The following CABYR variants were observed in gnomAD, a reference collection of about 807,000 sequenced individuals.
The protein encoded by CABYR is calcium binding tyrosine phosphorylation regulated.
CABYR carries 31 observed loss-of-function variants against 36.1 expected under a neutral mutation model. That is an observed-to-expected ratio of 0.86 (90% CI 0.64 to 1.16). CABYR has a LOEUF of 1.16. Ranked by LOEUF, CABYR falls within the 50% of genes most tolerant of loss-of-function variation. The pLI is 0.00. For missense variants in CABYR, 429 were observed against 455.8 expected (o/e 0.94, Z 0.53); for synonymous variants, 146 against 160.7 (o/e 0.91, Z 0.69).
Position 24,159,515 on chromosome 18 carries a change from C to T in CABYR, c.585C>T (p.Asn195=), listed in dbSNP as rs755183432. The T allele has an allele frequency of 1.9e-6, 3 of 1,614,096 alleles. No individual in the cohort carries two copies. The highest frequency in any genetic ancestry group is 2.2e-5 in the South Asian group (2 of 91,076). ...GAGGACAACCACCACCATGTTCTAA[C>T]ATGTGGACCCTTTATTGTCTAACTG... ...SERGQPPPCS[N]MWTLYCLTDK... is the part of the protein sequence containing the mutation. Residue 195 remains asparagine, a synonymous_variant, in exon 5 of 6, where the codon AAC becomes AAT. Transcript: ENST00000399496.
intron 3 of CABYR, chr18:24,150,545 A>C: frequency 1.0e-6 from 1 of 977,574 alleles, no homozygotes; most frequent in Non-Finnish European, 1.2e-6. Context: ...TAGATGGTGC[A>C]ACTAATGTTT....
chr18:24,139,444 T>A (rs9675752), intron 1 of CABYR: 2 of 152,208 alleles, frequency 1.3e-5, no homozygotes, highest in Non-Finnish European at 2.9e-5. Context: ...GGGGCCCACA[T>A]CCCGGAGGTT....
chr18:24,150,547 CTAA>C (rs1265104195), intron 3 of CABYR: 2 of 978,916 alleles, frequency 2.0e-6, no homozygotes, highest in Non-Finnish European at 1.2e-6. Context: ...GATGGTGCAA[CTAA>C]TGTTTGTTGA....
chr18:24,147,913 G>A (rs2085498653), intron 3 of CABYR, among the ~76,000 whole-genome samples: 1 of 152,070 alleles, frequency 6.6e-6, no homozygotes, highest in African/African-American at 2.4e-5. Flanking sequence ...ATCTGAAAAG[G>A]TGTTCATTCT....
At chr18:24,149,892 C>T (rs1259917043) in intron 3 of CABYR, among the ~76,000 whole-genome samples, 1 of 152,238 alleles carries the variant, frequency 6.6e-6, no homozygotes, top group African/African-American at 2.4e-5. Context: ...CTCCAGCTGG[C>T]CCGCAAGCGC....
intron 3 of CABYR, among the ~76,000 whole-genome samples, chr18:24,149,807 C>G (rs1053351108): frequency 3.3e-5 from 5 of 152,252 alleles, no homozygotes; most frequent in Admixed American, 2.6e-4. Context: ...GTGCTAAGCC[C>G]CTCATTGCCC....
intron 3 of CABYR, among the ~76,000 whole-genome samples, chr18:24,153,382 T>C (rs1048251118): frequency 6.6e-6 from 1 of 152,242 alleles, no homozygotes; most frequent in African/African-American, 2.4e-5. Context: ...CCTTCAGCCC[T>C]GCCTCCATCT....
intron 4 of CABYR, 124 bp downstream of exon 4, chr18:24,156,166 C>T (rs1489574810): frequency 3.1e-6 from 5 of 1,614,194 alleles, no homozygotes; most frequent in South Asian, 1.1e-5. Context: ...ATGGTGGCTG[C>T]TCCTCTTGTG....
intron 3 of CABYR, among the ~76,000 whole-genome samples, chr18:24,146,655 A>C (rs1182185787): frequency 6.6e-6 from 1 of 152,238 alleles, no homozygotes; most frequent in Non-Finnish European, 1.5e-5. Flanking sequence ...TTACAGGTTC[A>C]AGAAGTCTAA....
intron 4 of CABYR, 149 bp downstream of exon 4, chr18:24,156,191 G>A: frequency 6.2e-7 from 1 of 1,614,194 alleles, no homozygotes; most frequent in Non-Finnish European, 8.5e-7. Context: ...CTGGAAAGGT[G>A]CTAGAAGTGC....
At chr18:24,155,383 A>T (rs1043427232) in intron 3 of CABYR, among the ~76,000 whole-genome samples, 6 of 152,234 alleles carry the variant, frequency 3.9e-5, no homozygotes, top group Non-Finnish European at 8.8e-5. Flanking sequence ...GGATAAGGAC[A>T]GGAATGTTTT....
intron 3 of CABYR, among the ~76,000 whole-genome samples, chr18:24,149,310 T>A (rs1024114004): frequency 1.3e-5 from 2 of 152,010 alleles, no homozygotes; most frequent in East Asian, 3.9e-4. Context: ...CCCACCAGAG[T>A]ATCTAGATAC....
chr18:24,140,399 A>G (rs942077544), intron 1 of CABYR: 2 of 152,282 alleles, frequency 1.3e-5, no homozygotes, highest in South Asian at 2.1e-4. Flanking sequence ...GGACTGCGGA[A>G]TCCCCACTTC....
chr18:24,143,040 A>AC, intron 1 of CABYR, 51 bp from the exon 2 acceptor site: 7 of 1,352,270 alleles, frequency 5.2e-6, no homozygotes, highest in Non-Finnish European at 7.0e-6. Flanking sequence ...AAAAAAAAAA[A>AC]AACCTATTTT....
intron 3 of CABYR, among the ~76,000 whole-genome samples, chr18:24,152,410 A>G (rs2085665074): frequency 6.6e-6 from 1 of 152,242 alleles, no homozygotes; most frequent in Non-Finnish European, 1.5e-5. Context: ...ATTAAATCTC[A>G]GAACCAGGAC....
chr18:24,160,155 A>T, intron 5 of CABYR, 86 bp downstream of exon 5: 1 of 960,638 alleles, frequency 1.0e-6, no homozygotes, highest in South Asian at 1.6e-5. Flanking sequence ...AGATTTAGAT[A>T]TTTAAAAACA....
intron 3 of CABYR, among the ~76,000 whole-genome samples, chr18:24,145,255 A>AT (rs2085431988): frequency 6.6e-6 from 1 of 152,098 alleles, no homozygotes; most frequent in Non-Finnish European, 1.5e-5. Context: ...AGAGGGAGAG[A>AT]TTTTTCATTT....
chr18:24,156,786 G>A, intron 4 of CABYR: 1 of 1,614,120 alleles, frequency 6.2e-7, no homozygotes, highest in Non-Finnish European at 8.5e-7. Context: ...AATAGTCTCT[G>A]ACAATACTGG....
chr18:24,159,165 C>T (rs931738566), intron 4 of CABYR, among the ~76,000 whole-genome samples: 4 of 152,166 alleles, frequency 2.6e-5, no homozygotes, highest in Admixed American at 2.0e-4. Context: ...GTTTCGTCTG[C>T]GAGGAGCCTA....
Sources: allele counts gnomAD v4.1 joint callset (sites outside exome capture counted in the v4.1 genomes callset), GRCh38; gene constraint gnomAD v4.1.1; transcripts MANE v1.5; gene names NCBI Gene and HGNC (gene_info 2026-07-23, HGNC 2026-07-21).